Variants in IL17RE observed in about 807,000 individuals in gnomAD.
IL17RE encodes interleukin-17 receptor E.
Under a neutral mutation model 70.7 loss-of-function variants are expected in IL17RE, and 47 were observed. The observed-to-expected ratio is 0.67, with a 90% confidence interval of 0.53 to 0.85. The LOEUF is 0.85. IL17RE is among the 40% of genes least tolerant of loss of function. The pLI, the probability that IL17RE is intolerant of heterozygous loss-of-function variation, is 0.00. For synonymous variants in IL17RE, 372 were observed against 381.2 expected, an observed-to-expected ratio of 0.98 and a Z score of 0.28; for missense variants, 850 against 893.9, an observed-to-expected ratio of 0.95 and a Z score of 0.63.
upstream of IL17RE, chr3:9,902,528 C>T (rs992180219): frequency 1.2e-5 from 14 of 1,122,608 alleles, no homozygotes; most frequent in Admixed American, 1.6e-4. Context: ...GGGGGTGAAG[C>T]GCATGTCTAT....
Position 9,906,844 on chromosome 3 carries a change from T to G in IL17RE, c.505T>G (p.Leu169Val). 1.2e-6 allele frequency: 2 copies of G among 1,614,170 alleles called. No individual in the cohort carries two copies. Among genetic ancestry groups the G allele is most frequent in the Non-Finnish European group, 8.5e-7 (1 of 1,180,040 alleles). ...AGAGACATGGGAAAGTCTTCCCAGATTGGACTCACAAAGGCATGGAGGTGG... is the reference window on the plus strand; with the variant it reads ...AGAGACATGGGAAAGTCTTCCCAGAGTGGACTCACAAAGGCATGGAGGTGG... ...DPETWESLPR[L>V]DSQRHGGPEF... is the part of the protein sequence containing the mutation. Residue 169 changes from leucine (L) to valine (V), a missense_variant, in exon 5 of 16, where the codon TTG becomes GTG. Coordinates refer to ENST00000383814, the MANE Select transcript of IL17RE (RefSeq NM_153480.2).
rs780410760 is a variant in IL17RE at position 9,903,426 on chromosome 3, C to T, written c.148+14C>T. The T allele has an allele frequency of 6.2e-7, 1 of 1,614,044 alleles. No homozygotes were observed. Among genetic ancestry groups the T allele is most frequent in the East Asian group, 2.2e-5 (1 of 44,886 alleles). Reference sequence around the variant, plus strand: ...ACAGTTTCACTGGTGAGTCGCATTTCCTGCCCCATTGCTCCTCCCCACGCC... The same window carrying T: ...ACAGTTTCACTGGTGAGTCGCATTTTCTGCCCCATTGCTCCTCCCCACGCC... On this transcript the variant is annotated intron_variant, in intron 2 of 15. Transcript: ENST00000383814.
rs767254808 is a variant in IL17RE, at chr3:9,914,614, A to G, written c.1348+15A>G. 5.6e-6 allele frequency: 9 copies of G among 1,613,064 alleles called. No homozygotes were observed. Among genetic ancestry groups the G allele is most frequent in the Non-Finnish European group, 1.7e-6 (2 of 1,179,322 alleles). ...GTGTCCGGATGGTGAGTTCTTGGGG[A>G]GGGGGAGGTAAGAGGGAGGCTGGGC... On this transcript the variant is annotated intron_variant, in intron 14 of 15. Transcript: ENST00000383814.
upstream of IL17RE, among the ~76,000 whole-genome samples, chr3:9,902,445 G>T (rs2082660433): frequency 6.6e-6 from 1 of 152,158 alleles, no homozygotes; most frequent in African/African-American, 2.4e-5. Context: ...TCTAAATGGT[G>T]CCTCAGTCAC....
Position 9,903,406 on chromosome 3 carries a change from T to C in IL17RE, c.142T>C (p.Phe48Leu). The C allele has an allele frequency of 6.2e-7, 1 of 1,614,118 alleles. No homozygotes were observed. The highest frequency in any genetic ancestry group is 1.1e-5 in the South Asian group (1 of 91,084). ...GGGCCCTGTGCCTCAGGATGACAGT[T>C]TCACTGGTGAGTCGCATTTCCTGCC... ...CPLASHTDDSFTGSSAYIPCR... is the reference protein window; with the variant it reads ...CPLASHTDDSLTGSSAYIPCR... The change falls in exon 2 of 16, where the codon TTC (phenylalanine) becomes CTC (leucine). Residue 48 changes from phenylalanine (F) to leucine (L), a missense_variant. Physicochemically the swap from Phe to Leu is conservative, Grantham distance 22. Transcript: ENST00000383814.
intron 12 of IL17RE, among the ~76,000 whole-genome samples, chr3:9,913,137 G>A (rs928690519): frequency 1.5e-4 from 23 of 152,302 alleles, no homozygotes; most frequent in African/African-American, 5.5e-4. Context: ...AGGCGCAGTG[G>A]CTCACGCCTG....
At chr3:9,913,176 G>A (rs1397557460) in intron 12 of IL17RE, among the ~76,000 whole-genome samples, 2 of 152,126 alleles carry the variant, frequency 1.3e-5, no homozygotes, top group South Asian at 2.1e-4. Context: ...AGGCTGAGGA[G>A]GGCAGATCAC....
chr3:9,914,048 A>G lies in IL17RE; in HGVS notation c.1296+24A>G, dbSNP rs766914445. On this transcript the variant is annotated intron_variant, in intron 13 of 15. Coordinates refer to ENST00000383814, the MANE Select transcript of IL17RE (RefSeq NM_153480.2). Reference sequence around the variant, plus strand: ...TGGTAAGGAAACCTACCCTCACTCTACATACAGAGCCTTGGCATCTGCTCC... The same window carrying G: ...TGGTAAGGAAACCTACCCTCACTCTGCATACAGAGCCTTGGCATCTGCTCC... 101 of 1,580,318 alleles carry G rather than the reference A, an allele frequency of 6.4e-5. No individual in the cohort carries two copies. In the Middle Eastern group the frequency reaches 1.8e-3, roughly 29 times the overall value.
chr3:9,907,715 T>C (rs1182775462), intron 6 of IL17RE, among the ~76,000 whole-genome samples: 2 of 152,204 alleles, frequency 1.3e-5, no homozygotes, highest in Non-Finnish European at 2.9e-5. Flanking sequence ...ATCACATCTG[T>C]CTTGGTACCC....
Position 9,904,037 on chromosome 3 carries a change from T to C in IL17RE, c.154T>C (p.Ser52Pro), listed in dbSNP as rs2082695672. The C allele has an allele frequency of 1.2e-6, 2 of 1,614,138 alleles. No homozygotes were observed. Among genetic ancestry groups the C allele is most frequent in the Non-Finnish European group, 1.7e-6 (2 of 1,180,002 alleles). Residue 52 changes from serine to proline, a missense_variant, in exon 3 of 16, where the codon TCT becomes CCT. By Grantham distance (74) the Ser-to-Pro change is moderately conservative. Coordinates refer to ENST00000383814, the MANE Select transcript of IL17RE (RefSeq NM_153480.2). ...TTCCCTTCCATCTTTCCCAGGAAGT[T>C]CTGCCTATATCCCTTGCCGCACCTG... Reference protein sequence around the residue: ...SHTDDSFTGSSAYIPCRTWWA... With the variant: ...SHTDDSFTGSPAYIPCRTWWA...
upstream of IL17RE, chr3:9,902,622 GCGTC>G: frequency 2.0e-6 from 3 of 1,536,116 alleles, no homozygotes; most frequent in Non-Finnish European, 2.6e-6. Flanking sequence ...AGAAATGGGT[GCGTC>G]CCCCAACCTG....
rs896717145 is a variant in IL17RE, at chr3:9,908,040, A to G, written c.667-199A>G. On this transcript the variant is annotated intron_variant, in intron 6 of 15. Coordinates refer to ENST00000383814, the MANE Select transcript of IL17RE (RefSeq NM_153480.2). ...TGTATTCCCTGTCTCCTTCCCCCCAACTCCACCTAGAGCACCTAGAGCTAA... is the reference window on the plus strand; with the variant it reads ...TGTATTCCCTGTCTCCTTCCCCCCAGCTCCACCTAGAGCACCTAGAGCTAA... Among the ~76,000 whole-genome samples the G allele has an allele frequency of 7.9e-5, 12 of 151,858 alleles. 1 individual carries two copies. The highest frequency in any genetic ancestry group is 7.9e-4 in the Admixed American group (12 of 15,232).
intron 3 of IL17RE, among the ~76,000 whole-genome samples, chr3:9,905,094 C>CAAAAAAAAAAAAAAA (rs71626946): frequency 5.3e-5 from 3 of 56,158 alleles, no homozygotes; most frequent in African/African-American, 2.1e-4. Flanking sequence ...GACCCTGTCT[C>CAAAAAAAAAAAAAAA]AAAAAAAAAA....
intron 4 of IL17RE, 32 bp from the exon 5 acceptor site, chr3:9,906,674 G>A: frequency 1.2e-6 from 2 of 1,611,596 alleles, no homozygotes; most frequent in Non-Finnish European, 1.7e-6. Context: ...CCTGATTTCT[G>A]GCCTGAGGCC....
intron 6 of IL17RE, 32 bp from the exon 7 acceptor site, chr3:9,908,207 T>C: frequency 6.3e-7 from 1 of 1,594,368 alleles, no homozygotes; most frequent in Non-Finnish European, 8.6e-7. Flanking sequence ...TTCTCAGGCA[T>C]CTTTTGTCTT....
In IL17RE at chr3:9,915,192, GA is replaced by G. The variant is rs920997463; in HGVS notation, c.1448-57del. On this transcript the variant is annotated intron_variant, in intron 15 of 15. Transcript: ENST00000383814. The surrounding 1 kb of genome is among the most constrained non-coding windows in gnomAD (Gnocchi z 4.9). ...CTACGGTATCCCGAGAGGGTGGGGA[GA>G]AGAGGGCTGAGCAGTCCCTCAGCCG... 7.3e-5 allele frequency: 98 copies of G among 1,348,060 alleles called. No individual in the cohort carries two copies. The highest frequency in any genetic ancestry group is 2.2e-4 in the Admixed American group (6 of 27,638). 83.5% of individuals were successfully genotyped at this position (1,348,060 alleles called of 1,614,324 possible).
intron 12 of IL17RE, 28 bp from the exon 13 acceptor site, chr3:9,913,927 GA>G (rs778145150): frequency 1.9e-6 from 3 of 1,594,048 alleles, no homozygotes; most frequent in Non-Finnish European, 2.6e-6. Context: ...CCTCCCTGGG[GA>G]CAGCCTTTCT....
intron 3 of IL17RE, among the ~76,000 whole-genome samples, chr3:9,905,571 A>C (rs1281064538): frequency 6.6e-6 from 1 of 152,154 alleles, no homozygotes; most frequent in African/African-American, 2.4e-5. Flanking sequence ...CTGTAATCCC[A>C]GCACTTTGGG....
intron 8 of IL17RE, among the ~76,000 whole-genome samples, chr3:9,910,549 C>T (rs539422098): frequency 1.6e-4 from 25 of 152,088 alleles, no homozygotes; most frequent in African/African-American, 5.8e-4. Context: ...CAAAAATTAG[C>T]TGGGCTTGGT....
Sources: allele counts gnomAD v4.1 joint callset (sites outside exome capture counted in the v4.1 genomes callset), GRCh38; gene constraint gnomAD v4.1.1; non-coding constraint Gnocchi (gnomAD v3.1); transcripts MANE v1.5; gene names NCBI Gene and HGNC (gene_info 2026-07-23, HGNC 2026-07-21).